USP15: variants seen among roughly 807,000 people sequenced by gnomAD.
USP15 encodes ubiquitin specific peptidase 15.
A neutral mutation model predicts 127.1 loss-of-function variants in USP15; 18 were observed. The ratio of observed to expected loss-of-function variants is 0.14; its 90% CI spans 0.10 to 0.21. The LOEUF (loss-of-function observed/expected upper bound fraction) is 0.21. Among genes scored for constraint, USP15 ranks in the 10% least tolerant of loss-of-function variants. USP15 has a pLI of 1.00. For missense variants in USP15, 805 were observed against 1,159.9 expected, an observed-to-expected ratio of 0.69 and a Z score of 4.44; for synonymous variants, 364 against 393.7, an observed-to-expected ratio of 0.92 and a Z score of 0.89.
intron 2 of USP15, among the ~76,000 whole-genome samples, chr12:62,296,945 G>A (rs768709879): frequency 2.6e-5 from 4 of 152,162 alleles, no homozygotes; most frequent in Non-Finnish European, 4.4e-5. Flanking sequence ...GAGTGCTGAA[G>A]GAACCAGCAT....
In USP15 at chr12:62,381,607, C is replaced by A; in HGVS notation, c.1033C>A (p.Leu345Met). ...TGAAATAGCTAAATCTTATGCCGAA[C>A]TGATCAAGCAAATGTGGTCTGGAAA... ...RGEIAKSYAE[L>M]IKQMWSGKFS... The change falls in exon 9 of 22, where the codon CTG (leucine) becomes ATG (methionine). Residue 345 changes from leucine to methionine, a missense_variant. This residue lies in a region of USP15 where 84 missense variants were observed against 210.3 expected (regional missense o/e 0.40). Coordinates refer to ENST00000280377, the MANE Select transcript of USP15 (RefSeq NM_001252078.2). 1.9e-6 allele frequency: 3 copies of A among 1,612,924 alleles called. No homozygotes were observed. Among genetic ancestry groups the A allele is most frequent in the Non-Finnish European group, 2.5e-6 (3 of 1,179,196 alleles).
intron 8 of USP15, among the ~76,000 whole-genome samples, chr12:62,379,508 T>C (rs2137559531): frequency 6.6e-6 from 1 of 152,266 alleles, no homozygotes; most frequent in Non-Finnish European, 1.5e-5. Context: ...GTTATACCTT[T>C]AAGCTCTTTC....
chr12:62,321,643 T>C, intron 5 of USP15, 34 bp downstream of exon 5: 1 of 1,457,188 alleles, frequency 6.9e-7, no homozygotes, highest in Non-Finnish European at 9.1e-7. Flanking sequence ...GTATTATACA[T>C]GAAGGTTTTT....
chr12:62,261,280 T>A (rs11174401), intron 1 of USP15, among the ~76,000 whole-genome samples: 50,341 of 152,064 alleles, frequency 0.33, 8,876 homozygotes, highest in African/African-American at 0.46. Flanking sequence ...ATACCAAAGG[T>A]TATACATTTA....
chr12:62,357,250 C>T (rs2066159415), intron 8 of USP15, among the ~76,000 whole-genome samples: 1 of 152,076 alleles, frequency 6.6e-6, no homozygotes, highest in South Asian at 2.1e-4. Context: ...GTTTTCTGTG[C>T]CTTTGATACA....
chr12:62,308,592 G>T (rs1000070447), intron 3 of USP15, among the ~76,000 whole-genome samples: 9 of 152,016 alleles, frequency 5.9e-5, no homozygotes, highest in Non-Finnish European at 1.3e-4. Context: ...AGGAACAGAG[G>T]CTGCCAACAG....
intron 8 of USP15, among the ~76,000 whole-genome samples, chr12:62,359,565 T>C (rs1361103157): frequency 6.6e-6 from 1 of 152,166 alleles, no homozygotes; most frequent in Non-Finnish European, 1.5e-5. Flanking sequence ...GCAGAATGAC[T>C]CTGGAAAGAT....
chr12:62,362,242 G>C (rs1354606768), intron 8 of USP15, among the ~76,000 whole-genome samples: 1 of 151,924 alleles, frequency 6.6e-6, no homozygotes, highest in Non-Finnish European at 1.5e-5. Flanking sequence ...GTTTTTTGTG[G>C]TAAAATATAA....
chr12:62,401,290 T>C lies in USP15; in HGVS notation c.2763+15T>C, dbSNP rs2067679443. 17 of 1,593,244 alleles carry C rather than the reference T, an allele frequency of 1.1e-5. No homozygotes were observed. The highest frequency in any genetic ancestry group is 1.5e-5 in the Non-Finnish European group (17 of 1,162,476). On this transcript the variant is annotated intron_variant, in intron 21 of 21. Coordinates refer to ENST00000280377, the MANE Select transcript of USP15 (RefSeq NM_001252078.2). ...ACCAAATTGTGGTAAGTTTGTCTTA[T>C]ATTTCCTGAGAACTATGGGATTCAC...
chr12:62,372,482 GTTT>G (rs914370433), intron 8 of USP15, among the ~76,000 whole-genome samples: 1 of 151,950 alleles, frequency 6.6e-6, no homozygotes, highest in Admixed American at 6.6e-5. Flanking sequence ...AACAATTAAA[GTTT>G]TTTTATTACA....
At chr12:62,278,944 A>G (rs1480754799) in intron 1 of USP15, among the ~76,000 whole-genome samples, 1 of 152,176 alleles carries the variant, frequency 6.6e-6, no homozygotes, top group East Asian at 1.9e-4. Flanking sequence ...GTTTCACACC[A>G]TTATAAAGTC....
Position 62,280,626 on chromosome 12 carries a change from C to T in USP15, c.90-13553C>T, listed in dbSNP as rs141644644. On this transcript the variant is annotated intron_variant, in intron 1 of 21. Coordinates refer to ENST00000280377, the MANE Select transcript of USP15 (RefSeq NM_001252078.2). ...CTCTGCCCTTATGATCTAATCACCTCCTAATTCCCTATCCTTGGGGGTTAG... is the reference window on the plus strand; with the variant it reads ...CTCTGCCCTTATGATCTAATCACCTTCTAATTCCCTATCCTTGGGGGTTAG... Among the ~76,000 whole-genome samples the T allele has an allele frequency of 4.6e-5, 7 of 152,238 alleles. 1 individual carries two copies. In the East Asian group the frequency reaches 1.2e-3, roughly 25 times the overall value.
chr12:62,307,406 T>C (rs2064517904), intron 3 of USP15, among the ~76,000 whole-genome samples: 1 of 152,144 alleles, frequency 6.6e-6, no homozygotes, highest in South Asian at 2.1e-4. Context: ...TATGGACCAT[T>C]GATTCCTTTG....
chr12:62,260,406 T>C lies in USP15; in HGVS notation c.-9T>C, dbSNP rs2063003501. 12 of 1,550,222 alleles carry C rather than the reference T, an allele frequency of 7.7e-6. No homozygotes were observed. Among genetic ancestry groups the C allele is most frequent in the Non-Finnish European group, 1.0e-5 (12 of 1,147,060 alleles). ...TCGCTGCCACCTCCCCTACCGCTAG[T>C]GGAAGAAGATGGCGGAAGGCGGAGC... On this transcript the variant is annotated 5_prime_UTR_variant, in exon 1 of 22. Transcript: ENST00000280377.
At chr12:62,381,416 T>C in intron 8 of USP15, 74 bp from the exon 9 acceptor site, 1 of 1,288,052 alleles carries the variant, frequency 7.8e-7, no homozygotes, top group African/African-American at 1.5e-5. Context: ...TTTGTTTCTC[T>C]CTTCATATTA....
intron 8 of USP15, among the ~76,000 whole-genome samples, chr12:62,363,447 T>TG (rs2066376183): frequency 6.6e-6 from 1 of 152,108 alleles, no homozygotes; most frequent in African/African-American, 2.4e-5. Flanking sequence ...TCTGTGAACT[T>TG]GCAGTTTCCT....
chr12:62,378,409 C>T (rs749580325), intron 8 of USP15, among the ~76,000 whole-genome samples: 27 of 152,038 alleles, frequency 1.8e-4, no homozygotes, highest in Non-Finnish European at 3.1e-4. Flanking sequence ...GGAAGTGTAG[C>T]TTGTTAGAAT....
intron 8 of USP15, among the ~76,000 whole-genome samples, chr12:62,360,532 A>T (rs549787704): frequency 1.3e-5 from 2 of 152,200 alleles, no homozygotes; most frequent in South Asian, 4.1e-4. Context: ...TGTTATTTCT[A>T]TGTTACATTA....
At chr12:62,354,480 TATAAGATAACCTATTAAAAA>T (rs2066058560) in intron 7 of USP15, among the ~76,000 whole-genome samples, 1 of 151,926 alleles carries the variant, frequency 6.6e-6, no homozygotes, top group African/African-American at 2.4e-5. Context: ...ATACATATTT[TATAAGATAACCTATTAAAAA>T]ATAAGAAAGA....
Sources: allele counts gnomAD v4.1 joint callset (sites outside exome capture counted in the v4.1 genomes callset), GRCh38; gene constraint gnomAD v4.1.1; regional missense constraint gnomAD v4.1.1; transcripts MANE v1.5; gene names NCBI Gene and HGNC (gene_info 2026-07-23, HGNC 2026-07-21).